Variants in SENP5 observed in about 807,000 individuals in gnomAD.
SENP5 encodes the protein sentrin-specific protease 5.
A neutral mutation model predicts 74.2 loss-of-function variants in SENP5; 21 were observed. The ratio of observed to expected loss-of-function variants is 0.28; its 90% CI spans 0.20 to 0.41. The LOEUF (loss-of-function observed/expected upper bound fraction) is 0.41. Ranked by LOEUF, SENP5 falls within the 10% of genes least tolerant of loss-of-function variation. SENP5 has a pLI of 1.00. For missense variants in SENP5, 717 were observed against 889.1 expected (o/e 0.81, Z 2.46); for synonymous variants, 311 against 312.7 (o/e 0.99, Z 0.06).
intron 2 of SENP5, among the ~76,000 whole-genome samples, chr3:196,891,246 C>T (rs1714187273): frequency 6.6e-6 from 1 of 152,136 alleles, no homozygotes; most frequent in African/African-American, 2.4e-5. Context: ...TAGGCAAATA[C>T]ATAGAGATAT....
At chr3:196,897,332 CAA>C (rs1714483739) in intron 2 of SENP5, among the ~76,000 whole-genome samples, 1 of 152,174 alleles carries the variant, frequency 6.6e-6, no homozygotes, top group South Asian at 2.1e-4. Flanking sequence ...ACACTAGAGG[CAA>C]GTATATGGTC....
chr3:196,912,495 A>T (rs1366933155), intron 6 of SENP5, among the ~76,000 whole-genome samples: 1 of 152,098 alleles, frequency 6.6e-6, no homozygotes, highest in African/African-American at 2.4e-5. Flanking sequence ...CCTAGATGAC[A>T]GCGGGGTGCG....
intron 7 of SENP5, among the ~76,000 whole-genome samples, chr3:196,924,476 CAG>C (rs917579473): frequency 6.6e-6 from 1 of 152,276 alleles, no homozygotes; most frequent in African/African-American, 2.4e-5. Flanking sequence ...TTTAAAAACA[CAG>C]AGAGGTGTTC....
At chr3:196,911,154 C>T (rs1198724912) in intron 6 of SENP5, among the ~76,000 whole-genome samples, 4 of 152,062 alleles carry the variant, frequency 2.6e-5, no homozygotes, top group African/African-American at 4.8e-5. Context: ...AGGACATAGG[C>T]GTGGGCAAAG....
chr3:196,922,991 A>G, intron 6 of SENP5, among the ~76,000 whole-genome samples: 1 of 152,032 alleles, frequency 6.6e-6, no homozygotes, highest in East Asian at 1.9e-4. Flanking sequence ...GGGCTCAAGC[A>G]GTTTTTCCGC....
chr3:196,903,796 A>ACT (rs1444580024), intron 6 of SENP5, among the ~76,000 whole-genome samples, 186 bp downstream of exon 6: 1 of 152,216 alleles, frequency 6.6e-6, no homozygotes, highest in Non-Finnish European at 1.5e-5. Flanking sequence ...TACTGGTCCC[A>ACT]ATTATAGTGG....
intron 1 of SENP5, among the ~76,000 whole-genome samples, chr3:196,876,694 A>C (rs1713489193): frequency 1.4e-5 from 2 of 147,316 alleles, no homozygotes. Flanking sequence ...CAGTCTGGGC[A>C]ACATAGACCG....
chr3:196,899,078 CAAAAAA>C (rs10709079), intron 2 of SENP5, among the ~76,000 whole-genome samples: 1 of 108,230 alleles, frequency 9.2e-6, no homozygotes, highest in Non-Finnish European at 1.9e-5. Flanking sequence ...GACGCCATCT[CAAAAAA>C]AAAAAAAAAA....
intron 8 of SENP5, chr3:196,929,387 C>G: frequency 5.1e-6 from 2 of 391,936 alleles, no homozygotes. Flanking sequence ...CAGGTTTTTA[C>G]ATTTGATTTC....
At chr3:196,911,272 G>A (rs1471362539) in intron 6 of SENP5, among the ~76,000 whole-genome samples, 2 of 152,028 alleles carry the variant, frequency 1.3e-5, no homozygotes, top group Non-Finnish European at 2.9e-5. Context: ...GAGTGAACAG[G>A]CAACCTATAG....
intron 6 of SENP5, among the ~76,000 whole-genome samples, chr3:196,917,971 C>A (rs185883488): frequency 1.1e-3 from 164 of 152,152 alleles, no homozygotes; most frequent in Non-Finnish European, 1.8e-3. Context: ...CAAAGCCTAT[C>A]AAAAATTATA....
intron 7 of SENP5, among the ~76,000 whole-genome samples, chr3:196,923,774 C>A (rs910989656): frequency 6.6e-6 from 1 of 152,200 alleles, no homozygotes; most frequent in Non-Finnish European, 1.5e-5. Context: ...CTTGGATTTT[C>A]TCTGCTTTTC....
At position 196,879,425 on chromosome 3, in the gene SENP5, A is replaced by G. The variant is rs115469529; in HGVS notation, c.-31-5726A>G. 2.0e-3 allele frequency among the ~76,000 whole-genome samples: 310 copies of G among 152,214 alleles called. 2 individuals carry two copies. The highest frequency in any genetic ancestry group is 7.2e-3 in the African/African-American group (301 of 41,546). ...TTCTCTGTACCTACTACTAACTGCAAACTCTCTTCTGGTTGTCTGTTTCTC... is the reference window on the plus strand; with the variant it reads ...TTCTCTGTACCTACTACTAACTGCAGACTCTCTTCTGGTTGTCTGTTTCTC... On this transcript the variant is annotated intron_variant, in intron 1 of 9. Coordinates refer to ENST00000323460, the MANE Select transcript of SENP5 (RefSeq NM_152699.5).
intron 6 of SENP5, among the ~76,000 whole-genome samples, chr3:196,916,645 A>G (rs1406341782): frequency 1.5e-4 from 23 of 151,436 alleles, no homozygotes; most frequent in Admixed American, 1.5e-3. Flanking sequence ...CTCCTGCCTC[A>G]GCCTCCTGAG....
chr3:196,882,396 C>A (rs1713766232), intron 1 of SENP5, among the ~76,000 whole-genome samples: 1 of 152,098 alleles, frequency 6.6e-6, no homozygotes, highest in Non-Finnish European at 1.5e-5. Flanking sequence ...CTTTTCTCCC[C>A]CTCCCTGTTG....
At chr3:196,898,178 T>TAAAAAAA (rs59960385) in intron 2 of SENP5, among the ~76,000 whole-genome samples, 41,806 of 142,806 alleles carry the variant, frequency 0.29, 6,455 homozygotes, top group African/African-American at 0.33. Flanking sequence ...GGCTTTGTCT[T>TAAAAAAA]AAAAAAAAAG....
intron 9 of SENP5, among the ~76,000 whole-genome samples, chr3:196,930,161 C>T (rs1029442549): frequency 6.6e-6 from 1 of 152,116 alleles, no homozygotes; most frequent in African/African-American, 2.4e-5. Context: ...TTGGAAATTA[C>T]AGAATATGAT....
At chr3:196,885,057 T>TG in intron 1 of SENP5, 94 bp from the exon 2 acceptor site, 1 of 690,738 alleles carries the variant, frequency 1.4e-6, no homozygotes, top group South Asian at 2.0e-5. Flanking sequence ...ATATGTACTC[T>TG]TTTTTTTTCT....
intron 2 of SENP5, among the ~76,000 whole-genome samples, chr3:196,892,123 C>G (rs1011574665): frequency 6.6e-6 from 1 of 150,584 alleles, no homozygotes; most frequent in East Asian, 2.0e-4. Context: ...AAAAAAAATA[C>G]AGGAAATCAT....
Sources: gnomAD v4.1 joint callset for allele counts (sites outside exome capture counted in the v4.1 genomes callset) on GRCh38, gnomAD v4.1.1 for gene constraint, MANE v1.5 for transcripts, NCBI Gene and HGNC (gene_info 2026-07-23, HGNC 2026-07-21) for gene names.